The following PLCZ1 variants were observed in gnomAD, a reference collection of about 807,000 sequenced individuals.
PLCZ1 encodes phospholipase C zeta 1, also known as 1-phosphatidylinositol 4,5-bisphosphate phosphodiesterase zeta-1.
A neutral mutation model predicts 76.8 loss-of-function variants in PLCZ1; 64 were observed. The ratio of observed to expected loss-of-function variants is 0.83; its 90% CI spans 0.68 to 1.03. PLCZ1 has a LOEUF of 1.03. Ranked by LOEUF, PLCZ1 falls within the 50% of genes least tolerant of loss-of-function variation. The probability of loss-of-function intolerance (pLI) is 0.00; values close to 1 mark genes in which losing one functional copy is unlikely to be tolerated. For missense variants in PLCZ1, 751 were observed against 713.7 expected (o/e 1.05, Z -0.60); for synonymous variants, 248 against 230.8 (o/e 1.07, Z -0.68).
At chr12:18,713,463 G>A (rs1345026400) in intron 5 of PLCZ1, among the ~76,000 whole-genome samples, 1 of 152,138 alleles carries the variant, frequency 6.6e-6, no homozygotes, top group East Asian at 1.9e-4. Flanking sequence ...GGGGAATGGG[G>A]TATATGGCAG....
chr12:18,717,327 T>C (rs1190174155), intron 5 of PLCZ1, among the ~76,000 whole-genome samples: 1 of 152,298 alleles, frequency 6.6e-6, no homozygotes, highest in Middle Eastern at 3.4e-3. Flanking sequence ...TCTAAATGAA[T>C]ACATTTCAAA....
At chr12:18,705,874 C>CAAT (rs1365618573) in intron 6 of PLCZ1, among the ~76,000 whole-genome samples, 2 of 147,732 alleles carry the variant, frequency 1.4e-5, no homozygotes, top group African/African-American at 5.0e-5. Context: ...TCAAAAATAA[C>CAAT]AATAATAATA....
intron 12 of PLCZ1, chr12:18,694,132 G>T: frequency 1.1e-6 from 1 of 885,598 alleles, no homozygotes. Context: ...AAATGGTTGG[G>T]TGATTTCTCA....
the PLCZ1 span, among the ~76,000 whole-genome samples, chr12:18,676,778 A>G: frequency 1.3e-5 from 2 of 152,136 alleles, no homozygotes; most frequent in Non-Finnish European, 2.9e-5. Flanking sequence ...AATAGGTGTT[A>G]GAAAAACTAG....
intron 13 of PLCZ1, among the ~76,000 whole-genome samples, chr12:18,686,644 G>A (rs1366627697): frequency 6.6e-6 from 1 of 151,920 alleles, no homozygotes; most frequent in Non-Finnish European, 1.5e-5. Context: ...ATCTCCAAAA[G>A]TGCCCCCTTG....
the PLCZ1 span, among the ~76,000 whole-genome samples, chr12:18,674,016 G>A: frequency 6.6e-6 from 1 of 152,186 alleles, no homozygotes; most frequent in African/African-American, 2.4e-5. Flanking sequence ...ATTGTTTAAA[G>A]GCAGTGGATT....
chr12:18,652,371 C>T, the PLCZ1 span, among the ~76,000 whole-genome samples: 4 of 152,148 alleles, frequency 2.6e-5, no homozygotes, highest in East Asian at 1.9e-4. Context: ...GATGCATCTA[C>T]AAGTCAAGGA....
At chr12:18,713,534 G>T (rs1292440450) in intron 5 of PLCZ1, among the ~76,000 whole-genome samples, 1 of 152,110 alleles carries the variant, frequency 6.6e-6, no homozygotes, top group Non-Finnish European at 1.5e-5. Context: ...AACAGTGTTG[G>T]CTACACAGTA....
intron 13 of PLCZ1, among the ~76,000 whole-genome samples, chr12:18,685,846 G>A (rs4764413): frequency 0.48 from 52,077 of 108,966 alleles, 10,628 homozygotes; most frequent in South Asian, 0.67. Context: ...ACACACACGC[G>A]CACACACACA....
the PLCZ1 span, among the ~76,000 whole-genome samples, chr12:18,656,557 T>A: frequency 6.6e-6 from 1 of 151,398 alleles, no homozygotes; most frequent in Admixed American, 6.6e-5. Flanking sequence ...AGAGCGAGAC[T>A]CTGTCCTGAA....
At chr12:18,679,774 T>G (rs1952248656), downstream of PLCZ1, among the ~76,000 whole-genome samples, 1 of 152,002 alleles carries the variant, frequency 6.6e-6, no homozygotes, top group Non-Finnish European at 1.5e-5. Context: ...AGTTAAATTA[T>G]GTACACATGG....
At chr12:18,655,873 G>A in the PLCZ1 span, among the ~76,000 whole-genome samples, 1 of 152,116 alleles carries the variant, frequency 6.6e-6, no homozygotes. Flanking sequence ...AACTGTCACA[G>A]CCAAGAGGAG....
chr12:18,647,906 G>C, the PLCZ1 span: 12 of 1,586,974 alleles, frequency 7.6e-6, no homozygotes, highest in South Asian at 1.1e-5. Flanking sequence ...AGAGCTCCAA[G>C]GACATGTCTT....
intron 5 of PLCZ1, among the ~76,000 whole-genome samples, chr12:18,719,011 G>A (rs1020417552): frequency 6.6e-6 from 1 of 152,094 alleles, no homozygotes; most frequent in African/African-American, 2.4e-5. Flanking sequence ...ACAATGTACT[G>A]TATTTATGTG....
intron 11 of PLCZ1, 117 bp from the exon 12 acceptor site, chr12:18,695,196 G>C (rs1954782429): frequency 9.7e-7 from 1 of 1,030,154 alleles, no homozygotes; most frequent in Non-Finnish European, 1.5e-6. Flanking sequence ...CTATGAGCAA[G>C]TATCATTAGC....
At position 18,714,027 on chromosome 12, in the gene PLCZ1, T is replaced by C. The variant is rs73346935; in HGVS notation, c.570-1041A>G. Among the ~76,000 whole-genome samples the C allele has an allele frequency of 1.3e-4, 20 of 152,294 alleles. No individual in the cohort carries two copies. In the East Asian group the frequency reaches 3.1e-3, roughly 24 times the overall value. ...GCATTCAGATTTTTCACTGACTTTA[T>C]AATAATGAATAAAAGCAAATAGGGA... On this transcript the variant is annotated intron_variant, in intron 5 of 14. Transcript: ENST00000266505.
In PLCZ1 at chr12:18,737,501, AC is replaced by A; in HGVS notation, c.-131del. On this transcript the variant is annotated 5_prime_UTR_variant, in exon 2 of 15. Transcript: ENST00000266505. ...AATTTCTTGATACTCATCAGCTGTT[AC>A]CACTTTTCTAGGGAGAAAGCAGAGA... The A allele has an allele frequency of 7.7e-7, 1 of 1,291,166 alleles. No homozygotes were observed. The highest frequency in any genetic ancestry group is 1.1e-6 in the Non-Finnish European group (1 of 898,750). The allele number at this position is 1,291,166 out of a possible 1,614,324, so 80.0% of individuals were successfully genotyped here.
intron 7 of PLCZ1, 143 bp from the exon 8 acceptor site, chr12:18,701,919 T>G: frequency 8.3e-7 from 1 of 1,208,614 alleles, no homozygotes; most frequent in Non-Finnish European, 1.1e-6. Context: ...CATACCCCTA[T>G]TCACATCTCA....
the PLCZ1 span, among the ~76,000 whole-genome samples, chr12:18,666,184 A>G: frequency 6.6e-6 from 1 of 152,004 alleles, no homozygotes; most frequent in South Asian, 2.1e-4. Context: ...AGAAATTAAT[A>G]ATTAAAAGAT....
Sources: allele counts gnomAD v4.1 joint callset (sites outside exome capture counted in the v4.1 genomes callset), GRCh38; gene constraint gnomAD v4.1.1; transcripts MANE v1.5; gene names NCBI Gene and HGNC (gene_info 2026-07-23, HGNC 2026-07-21).